RORA: variants seen among roughly 807,000 people sequenced by gnomAD.
The protein encoded by RORA is nuclear receptor ROR-alpha.
RORA carries 7 observed loss-of-function variants against 69.5 expected under a neutral mutation model. The observed-to-expected ratio is 0.10, with a 90% CI of 0.06 to 0.19. The LOEUF is 0.19. Among genes scored for constraint, RORA ranks in the 10% least tolerant of loss-of-function variants. The pLI, the probability that RORA is intolerant of heterozygous loss-of-function variation, is 1.00. For synonymous variants in RORA, 261 were observed against 240.8 expected (o/e 1.08, Z -0.78); for missense variants, 457 against 663.0 (o/e 0.69, Z 3.41).
intron 1 of RORA, among the ~76,000 whole-genome samples, chr15:60,969,757 G>T (rs185370045): frequency 1.9e-4 from 29 of 152,306 alleles, no homozygotes; most frequent in African/African-American, 7.0e-4. Flanking sequence ...AAGGGAGGGG[G>T]TTTGAGTTCC....
At chr15:60,865,339 T>C (rs765459183) in intron 1 of RORA, among the ~76,000 whole-genome samples, 2 of 152,256 alleles carry the variant, frequency 1.3e-5, no homozygotes, top group African/African-American at 2.4e-5. Context: ...CACTCTATTA[T>C]TCTATTATCT....
rs2065198612 is a variant in RORA at position 60,497,538 on chromosome 15, C to T, written c.1489G>A (p.Asp497Asn). Residue 497 changes from aspartate to asparagine, a missense_variant, in exon 11 of 11, where the codon GAC (aspartate) becomes AAC (asparagine). This residue lies in a region of RORA where 304 missense variants were observed against 447.4 expected (regional missense o/e 0.68). Coordinates refer to ENST00000335670, the MANE Select transcript of RORA (RefSeq NM_134261.3). ...KLMAFKAIYP[D>N]IVRLHFPPLY... ...GGAGGAAAATGAAGTCGCACAATGT[C>T]TGGGTATATTGCTTTAAATGCCATT... 1.2e-6 allele frequency: 2 copies of T among 1,613,600 alleles called. No individual in the cohort carries two copies. The highest frequency in any genetic ancestry group is 1.1e-5 in the South Asian group (1 of 91,076).
At chr15:60,627,142 G>A in intron 2 of RORA, 1 of 1,044,524 alleles carries the variant, frequency 9.6e-7, no homozygotes, top group Non-Finnish European at 1.4e-6. Context: ...GATATTCTTG[G>A]AGAACTGACT....
intron 1 of RORA, among the ~76,000 whole-genome samples, chr15:61,109,458 T>C (rs1360397439): frequency 6.6e-6 from 1 of 152,172 alleles, no homozygotes; most frequent in Non-Finnish European, 1.5e-5. Context: ...AACCAGGTGG[T>C]TTCAGTCAAC....
chr15:61,130,413 T>A (rs149082690), intron 1 of RORA, among the ~76,000 whole-genome samples: 1 of 152,162 alleles, frequency 6.6e-6, no homozygotes, highest in South Asian at 2.1e-4. Flanking sequence ...TATTTTATGG[T>A]GGGCTTTATA....
At chr15:60,750,496 G>T (rs995522464) in intron 1 of RORA, among the ~76,000 whole-genome samples, 7 of 152,204 alleles carry the variant, frequency 4.6e-5, no homozygotes, top group Admixed American at 3.3e-4. Flanking sequence ...TTTTGTCCCA[G>T]ATGCTACCGT....
chr15:61,055,498 C>T (rs2140518832), intron 1 of RORA, among the ~76,000 whole-genome samples: 1 of 152,314 alleles, frequency 6.6e-6, no homozygotes, highest in African/African-American at 2.4e-5. Context: ...CCGTCTCTCC[C>T]GCCCCTACAA....
chr15:60,838,007 G>A (rs1056307063), intron 1 of RORA, among the ~76,000 whole-genome samples: 8 of 152,046 alleles, frequency 5.3e-5, no homozygotes, highest in Non-Finnish European at 8.8e-5. Flanking sequence ...TGAACAACCC[G>A]GCTCTATCCC....
chr15:61,193,836 C>A (rs2079822808), intron 1 of RORA, among the ~76,000 whole-genome samples: 1 of 152,188 alleles, frequency 6.6e-6, no homozygotes, highest in Non-Finnish European at 1.5e-5. Context: ...CAGCTTAATG[C>A]ATTTCCACCA....
chr15:60,874,690 A>C (rs1463172534), intron 1 of RORA, among the ~76,000 whole-genome samples: 1 of 152,214 alleles, frequency 6.6e-6, no homozygotes, highest in African/African-American at 2.4e-5. Flanking sequence ...AATTTATGGA[A>C]TGATTTACAG....
intron 1 of RORA, among the ~76,000 whole-genome samples, chr15:60,940,666 G>T (rs537439472): frequency 6.6e-6 from 1 of 152,184 alleles, no homozygotes; most frequent in Non-Finnish European, 1.5e-5. Flanking sequence ...ATTGTAGTCA[G>T]CCTGTAATCC....
At chr15:60,857,988 G>A (rs969861309) in intron 1 of RORA, among the ~76,000 whole-genome samples, 2 of 152,204 alleles carry the variant, frequency 1.3e-5, no homozygotes, top group Non-Finnish European at 2.9e-5. Flanking sequence ...CGGTCACACT[G>A]GGGTTTGCAA....
At chr15:60,595,032 GT>G (rs34882972) in intron 2 of RORA, among the ~76,000 whole-genome samples, 72,210 of 141,152 alleles carry the variant, frequency 0.51, 18,573 homozygotes, top group African/African-American at 0.68. Flanking sequence ...ACTATAGGCT[GT>G]TTTTTTTTTT....
chr15:60,516,241 A>T (rs1190524911), intron 3 of RORA, among the ~76,000 whole-genome samples: 2 of 69,404 alleles, frequency 2.9e-5, no homozygotes, highest in Admixed American at 2.5e-4. Context: ...ATATTTATAT[A>T]TATATATTTA....
At chr15:61,048,420 A>C (rs1174748567) in intron 1 of RORA, among the ~76,000 whole-genome samples, 4 of 152,212 alleles carry the variant, frequency 2.6e-5, no homozygotes, top group Non-Finnish European at 4.4e-5. Flanking sequence ...TGAGAGAGGC[A>C]CAGGCACACT....
intron 1 of RORA, among the ~76,000 whole-genome samples, chr15:61,098,989 AT>A (rs748159692): frequency 7.2e-5 from 11 of 152,190 alleles, no homozygotes; most frequent in Non-Finnish European, 2.9e-5. Flanking sequence ...GAAATTTTTC[AT>A]TTGCAAATTA....
intron 1 of RORA, among the ~76,000 whole-genome samples, chr15:60,858,062 T>C (rs1487131039): frequency 6.6e-6 from 1 of 152,238 alleles, no homozygotes; most frequent in Non-Finnish European, 1.5e-5. Flanking sequence ...CAGTTTCCTT[T>C]CTGAAGTTTG....
chr15:60,934,414 G>T (rs1892460544), intron 1 of RORA, among the ~76,000 whole-genome samples: 2 of 152,168 alleles, frequency 1.3e-5, no homozygotes, highest in South Asian at 4.1e-4. Context: ...ACAGATTGCT[G>T]GGCCATAACT....
Position 61,229,115 on chromosome 15 carries a change from G to A in RORA, c.104C>T (p.Ser35Phe). The change falls in exon 1 of 11, where the codon TCC becomes TTC. Residue 35 changes from serine (S) to phenylalanine (F), a missense_variant. By Grantham distance (155) the Ser-to-Phe change is radical. This residue lies in a region of RORA where 119 missense variants were observed against 92.4 expected (regional missense o/e 1.29). Transcript: ENST00000335670. Reference sequence around the variant, plus strand: ...GGCAGGCGGCTCGCTCTTGCGGGCGGATTCCTGGTTCAGCGGGGTCTCCCT... The same window carrying A: ...GGCAGGCGGCTCGCTCTTGCGGGCGAATTCCTGGTTCAGCGGGGTCTCCCT... ...GSRETPLNQE[S>F]ARKSEPPAPV... The A allele has an allele frequency of 6.5e-7, 1 of 1,541,422 alleles. No individual in the cohort carries two copies. Among genetic ancestry groups the A allele is most frequent in the Non-Finnish European group, 8.7e-7 (1 of 1,144,254 alleles).
Sources: gnomAD v4.1 joint callset for allele counts (sites outside exome capture counted in the v4.1 genomes callset) on GRCh38, gnomAD v4.1.1 for gene constraint, gnomAD v4.1.1 regional missense constraint, MANE v1.5 for transcripts, NCBI Gene and HGNC (gene_info 2026-07-23, HGNC 2026-07-21) for gene names.